The following GRM8 variants were observed in gnomAD, a reference collection of about 807,000 sequenced individuals.
GRM8 encodes the protein glutamate metabotropic receptor 8.
A neutral mutation model predicts 87.2 loss-of-function variants in GRM8; 47 were observed. That is an observed-to-expected ratio of 0.54 (90% CI 0.43 to 0.69). The LOEUF is 0.69. Among genes scored for constraint, GRM8 ranks in the 30% least tolerant of loss-of-function variants. The pLI is 0.00. For synonymous variants in GRM8, 396 were observed against 404.5 expected (o/e 0.98, Z 0.25); for missense variants, 1,019 against 1,139.2 (o/e 0.89, Z 1.52).
At chr7:127,111,312 T>A (rs1826327447) in intron 2 of GRM8, 2 of 152,220 alleles carry the variant, frequency 1.3e-5, no homozygotes, top group African/African-American at 4.8e-5. Flanking sequence ...AAAATTATAT[T>A]TCAAAAGAAA....
chr7:127,182,264 T>C (rs1052063974), intron 2 of GRM8, among the ~76,000 whole-genome samples: 1 of 152,064 alleles, frequency 6.6e-6, no homozygotes, highest in Non-Finnish European at 1.5e-5. Context: ...TCACTAATGA[T>C]CAGGAAAATG....
At chr7:126,671,446 C>T (rs183664990) in intron 7 of GRM8, among the ~76,000 whole-genome samples, 13 of 152,336 alleles carry the variant, frequency 8.5e-5, no homozygotes, top group Admixed American at 8.5e-4. Context: ...ATCATTCCAT[C>T]ATGATGATAT....
At chr7:126,707,058 A>G (rs920003427) in intron 7 of GRM8, among the ~76,000 whole-genome samples, 1 of 152,102 alleles carries the variant, frequency 6.6e-6, no homozygotes, top group Non-Finnish European at 1.5e-5. Flanking sequence ...AATCCTAGCA[A>G]TTTGAGAGGG....
intron 8 of GRM8, among the ~76,000 whole-genome samples, chr7:126,537,726 G>A (rs1360664941): frequency 1.3e-5 from 2 of 151,934 alleles, no homozygotes; most frequent in South Asian, 2.1e-4. Flanking sequence ...GCAGTAAGCC[G>A]AGATCACGCC....
intron 7 of GRM8, among the ~76,000 whole-genome samples, chr7:126,659,983 AT>A (rs1371682953): frequency 6.6e-6 from 1 of 152,208 alleles, no homozygotes; most frequent in Admixed American, 6.5e-5. Flanking sequence ...TACATTTAAA[AT>A]ATCATTGATT....
At chr7:126,594,659 C>T (rs960985275) in intron 8 of GRM8, among the ~76,000 whole-genome samples, 1 of 151,962 alleles carries the variant, frequency 6.6e-6, no homozygotes, top group Admixed American at 6.6e-5. Flanking sequence ...ATCTATTGTA[C>T]AGCATAGTGA....
intron 6 of GRM8, among the ~76,000 whole-genome samples, chr7:126,806,091 G>A (rs933940595): frequency 1.3e-4 from 20 of 152,176 alleles, no homozygotes; most frequent in African/African-American, 3.6e-4. Flanking sequence ...GAACGAAGTC[G>A]CAGACCCTCG....
chr7:126,762,163 AAAAT>A (rs1337924522), intron 7 of GRM8, among the ~76,000 whole-genome samples: 1 of 152,194 alleles, frequency 6.6e-6, no homozygotes, highest in Non-Finnish European at 1.5e-5. Flanking sequence ...AAATATATGT[AAAAT>A]AAATAAATGA....
chr7:126,827,407 T>A (rs1485860385), intron 6 of GRM8, among the ~76,000 whole-genome samples: 2 of 152,230 alleles, frequency 1.3e-5, no homozygotes, highest in Non-Finnish European at 2.9e-5. Context: ...TGGTTTGTAG[T>A]TCTCCTTGAA....
chr7:127,250,038 A>G (rs1340784068), intron 1 of GRM8, among the ~76,000 whole-genome samples: 2 of 152,234 alleles, frequency 1.3e-5, no homozygotes, highest in African/African-American at 4.8e-5. Flanking sequence ...TACCTGAGAA[A>G]GGTGGTAGGA....
At chr7:126,897,834 T>C (rs943917083) in intron 6 of GRM8, among the ~76,000 whole-genome samples, 2 of 152,178 alleles carry the variant, frequency 1.3e-5, no homozygotes, top group African/African-American at 4.8e-5. Context: ...TCACATCTTT[T>C]TGAAAGCTTT....
intron 3 of GRM8, among the ~76,000 whole-genome samples, chr7:126,924,990 G>T (rs1804944992): frequency 6.6e-6 from 1 of 152,074 alleles, no homozygotes; most frequent in Non-Finnish European, 1.5e-5. Flanking sequence ...CACACACAGA[G>T]AAAGAAAAGA....
At chr7:126,713,864 C>T (rs745636658) in intron 7 of GRM8, among the ~76,000 whole-genome samples, 2 of 151,874 alleles carry the variant, frequency 1.3e-5, no homozygotes, top group Admixed American at 6.6e-5. Context: ...TCACATTGTA[C>T]ACATTGTACA....
chr7:126,684,494 G>A (rs1807955392), intron 7 of GRM8, among the ~76,000 whole-genome samples: 1 of 152,198 alleles, frequency 6.6e-6, no homozygotes, highest in Non-Finnish European at 1.5e-5. Flanking sequence ...GCAAGAGAAA[G>A]GGCCTTGATT....
At chr7:126,498,604 T>G (rs1809141718) in intron 9 of GRM8, among the ~76,000 whole-genome samples, 1 of 151,940 alleles carries the variant, frequency 6.6e-6, no homozygotes, top group Non-Finnish European at 1.5e-5. Flanking sequence ...TGGGGGGACA[T>G]GTACTGTTGG....
intron 7 of GRM8, among the ~76,000 whole-genome samples, chr7:126,619,802 A>G (rs1799920348): frequency 6.6e-6 from 1 of 151,974 alleles, no homozygotes; most frequent in Non-Finnish European, 1.5e-5. Flanking sequence ...GGGATCCTCC[A>G]ACCTTGGCCT....
intron 2 of GRM8, among the ~76,000 whole-genome samples, chr7:127,216,257 G>A (rs561662751): frequency 2.8e-4 from 42 of 152,062 alleles, no homozygotes; most frequent in African/African-American, 9.2e-4. Context: ...GGTGGCTCAC[G>A]CCTGTAATCT....
chr7:127,059,115 G>A (rs1412687227), intron 3 of GRM8, among the ~76,000 whole-genome samples: 2 of 152,074 alleles, frequency 1.3e-5, no homozygotes, highest in Non-Finnish European at 2.9e-5. Flanking sequence ...CTCAGAAAAG[G>A]AAAGGATAAT....
At chr7:126,527,366 A>G (rs1814022802) in intron 9 of GRM8, among the ~76,000 whole-genome samples, 1 of 152,216 alleles carries the variant, frequency 6.6e-6, no homozygotes, top group Non-Finnish European at 1.5e-5. Context: ...TCAAAAAGAA[A>G]AGAAAAGAAA....
Sources: allele counts gnomAD v4.1 joint callset (sites outside exome capture counted in the v4.1 genomes callset), GRCh38; gene constraint gnomAD v4.1.1; transcripts MANE v1.5; gene names NCBI Gene and HGNC (gene_info 2026-07-23, HGNC 2026-07-21).